Variants in PTPRD observed in about 807,000 individuals in gnomAD.
The protein encoded by PTPRD is protein tyrosine phosphatase receptor type D, also known as receptor-type tyrosine-protein phosphatase delta.
A neutral mutation model predicts 214.5 loss-of-function variants in PTPRD; 34 were observed. The observed-to-expected ratio is 0.16, with a 90% CI of 0.12 to 0.21. PTPRD has a LOEUF of 0.21. PTPRD is among the 10% of genes least tolerant of loss of function. The probability of loss-of-function intolerance (pLI) is 1.00; values close to 1 mark genes in which losing one functional copy is unlikely to be tolerated. For missense variants in PTPRD, 2,545 were observed against 2,398.7 expected, an observed-to-expected ratio of 1.06 and a Z score of -1.27; for synonymous variants, 1,128 against 845.7, an observed-to-expected ratio of 1.33 and a Z score of -5.79.
intron 5 of PTPRD, among the ~76,000 whole-genome samples, chr9:9,841,268 T>C (rs140670771): frequency 2.4e-4 from 37 of 152,258 alleles, no homozygotes; most frequent in African/African-American, 8.4e-4. Flanking sequence ...ATAAGTATAA[T>C]ACACACACAA....
At chr9:10,240,207 C>T (rs1210646687) in intron 3 of PTPRD, among the ~76,000 whole-genome samples, 3 of 151,864 alleles carry the variant, frequency 2.0e-5, no homozygotes, top group Non-Finnish European at 4.4e-5. Flanking sequence ...CTTCATATAA[C>T]CTAAATAAAA....
At chr9:9,362,596 A>G (rs1192881396) in intron 9 of PTPRD, among the ~76,000 whole-genome samples, 2 of 151,218 alleles carry the variant, frequency 1.3e-5, no homozygotes, top group African/African-American at 4.8e-5. Context: ...AGATGAATAA[A>G]AAAGGGCATA....
At chr9:8,851,040 A>G (rs1476382566) in intron 11 of PTPRD, among the ~76,000 whole-genome samples, 1 of 152,148 alleles carries the variant, frequency 6.6e-6, no homozygotes, top group African/African-American at 2.4e-5. Flanking sequence ...AGAAGGCAGT[A>G]AATTCCTTGC....
rs576067732 is a variant in PTPRD at position 9,240,891 on chromosome 9, T to C, written c.-202-57528A>G. 3.2e-4 allele frequency among the ~76,000 whole-genome samples: 49 copies of C among 152,278 alleles called. 1 individual carries two copies. The South Asian group carries it at 8.1e-3, about 25-fold the overall frequency. The stretch of plus-strand genomic sequence containing the variant: ...TTTGACATCCAAATAGTTATTGTTT[T>C]ACTTTGGTTTTTATTTAAAAGCACT... On this transcript the variant is annotated intron_variant, in intron 9 of 45. Coordinates refer to ENST00000381196, the MANE Select transcript of PTPRD (RefSeq NM_002839.4).
chr9:8,881,506 A>T (rs1318344863), intron 11 of PTPRD, among the ~76,000 whole-genome samples: 1 of 152,206 alleles, frequency 6.6e-6, no homozygotes, highest in Admixed American at 6.5e-5. Context: ...TCTTTCTGTA[A>T]TGGAAGGGGT....
At chr9:9,412,885 G>A (rs919531726) in intron 8 of PTPRD, among the ~76,000 whole-genome samples, 33 of 151,954 alleles carry the variant, frequency 2.2e-4, no homozygotes, top group Admixed American at 1.8e-3. Context: ...TCTGAACACA[G>A]TGTCTTAAAA....
At chr9:8,398,414 G>A (rs1225156748) in intron 36 of PTPRD, among the ~76,000 whole-genome samples, 1 of 151,976 alleles carries the variant, frequency 6.6e-6, no homozygotes, top group Non-Finnish European at 1.5e-5. Context: ...TCCTAAGAAG[G>A]TACTTACTTT....
chr9:9,370,979 A>G (rs1179450035), intron 9 of PTPRD, among the ~76,000 whole-genome samples: 1 of 152,114 alleles, frequency 6.6e-6, no homozygotes. Context: ...ATCATGGTGG[A>G]TAAGTTTTTT....
intron 11 of PTPRD, among the ~76,000 whole-genome samples, chr9:8,799,573 G>C (rs117159992): frequency 3.2e-4 from 48 of 152,326 alleles, no homozygotes; most frequent in Admixed American, 9.8e-4. Flanking sequence ...AAGCAAGGAA[G>C]TTTGTTGTTA....
chr9:10,516,730 C>T (rs542349933), intron 2 of PTPRD, among the ~76,000 whole-genome samples: 1 of 151,802 alleles, frequency 6.6e-6, no homozygotes, highest in African/African-American at 2.4e-5. Flanking sequence ...CCTTTAATTC[C>T]TTTTCAGTTT....
At chr9:10,152,865 A>G (rs1236302459) in intron 3 of PTPRD, among the ~76,000 whole-genome samples, 2 of 152,060 alleles carry the variant, frequency 1.3e-5, no homozygotes, top group Non-Finnish European at 2.9e-5. Context: ...CATTTGTGAC[A>G]GCATGGATGA....
chr9:9,265,778 G>GACA, intron 9 of PTPRD, among the ~76,000 whole-genome samples: 1 of 149,904 alleles, frequency 6.7e-6, no homozygotes, highest in Non-Finnish European at 1.5e-5. Flanking sequence ...CAAAAGGAAA[G>GACA]ACAACAACAA....
intron 11 of PTPRD, among the ~76,000 whole-genome samples, chr9:8,894,506 A>C (rs1214143757): frequency 6.6e-6 from 1 of 152,096 alleles, no homozygotes; most frequent in Admixed American, 6.6e-5. Flanking sequence ...GATAGGAGTC[A>C]GAATGTGGGG....
intron 8 of PTPRD, among the ~76,000 whole-genome samples, chr9:9,475,102 T>G (rs1037997412): frequency 6.6e-6 from 1 of 152,216 alleles, no homozygotes; most frequent in Non-Finnish European, 1.5e-5. Context: ...TACTACCAAC[T>G]GAAGTCAGGC....
At chr9:10,434,461 G>T (rs947986357) in intron 2 of PTPRD, among the ~76,000 whole-genome samples, 1 of 151,788 alleles carries the variant, frequency 6.6e-6, no homozygotes, top group African/African-American at 2.4e-5. Context: ...GCTTTGCTTA[G>T]CTCTCCATCT....
At chr9:9,619,261 T>C (rs1593212805) in intron 7 of PTPRD, among the ~76,000 whole-genome samples, 1 of 151,884 alleles carries the variant, frequency 6.6e-6, no homozygotes, top group East Asian at 1.9e-4. Flanking sequence ...CTTGCAGATG[T>C]TGAAATGAAG....
chr9:10,064,263 T>A (rs938578924), intron 3 of PTPRD, among the ~76,000 whole-genome samples: 20 of 152,002 alleles, frequency 1.3e-4, no homozygotes, highest in African/African-American at 4.6e-4. Flanking sequence ...ATGACAATGC[T>A]GTATTAACTT....
At chr9:8,965,665 A>G (rs2117104) in intron 11 of PTPRD, among the ~76,000 whole-genome samples, 150,719 of 152,184 alleles carry the variant, frequency 0.99, 74,654 homozygotes, top group Middle Eastern at 1. Flanking sequence ...TCTATGACAA[A>G]CCCACAGTTA....
In PTPRD at chr9:9,690,850, G is replaced by A. The variant is rs146186054; in HGVS notation, c.-287+43683C>T. ...TCTTCTTTTATGCTAGTGCCATGCT[G>A]TTTTGGTTACTATGGCTTTGTAGTA... On this transcript the variant is annotated intron_variant, in intron 7 of 45. Coordinates refer to ENST00000381196, the MANE Select transcript of PTPRD (RefSeq NM_002839.4). 7.4e-5 allele frequency among the ~76,000 whole-genome samples: 11 copies of A among 149,092 alleles called. No homozygotes were observed. The East Asian group carries it at 1.8e-3, about 25-fold the overall frequency.
Sources: gnomAD v4.1 joint callset for allele counts (sites outside exome capture counted in the v4.1 genomes callset) on GRCh38, gnomAD v4.1.1 for gene constraint, MANE v1.5 for transcripts, NCBI Gene and HGNC (gene_info 2026-07-23, HGNC 2026-07-21) for gene names.